PRR16: variants seen among roughly 807,000 people sequenced by gnomAD.
PRR16 encodes the protein proline rich 16.
A neutral mutation model predicts 18.2 loss-of-function variants in PRR16; 6 were observed. The ratio of observed to expected loss-of-function variants is 0.33; its 90% CI spans 0.18 to 0.65. The LOEUF is 0.65. PRR16 is among the 30% of genes least tolerant of loss of function. The pLI, the probability that PRR16 is intolerant of heterozygous loss-of-function variation, is 0.74. For missense variants in PRR16, 412 were observed against 376.6 expected, an observed-to-expected ratio of 1.09 and a Z score of -0.78; for synonymous variants, 151 against 147.8, an observed-to-expected ratio of 1.02 and a Z score of -0.16.
chr5:120,532,636 T>G (rs1751587929), intron 1 of PRR16, among the ~76,000 whole-genome samples: 1 of 152,128 alleles, frequency 6.6e-6, no homozygotes, highest in Admixed American at 6.6e-5. Context: ...TGTACAATAT[T>G]GCACTGAAGG....
rs578163144 is a variant in PRR16 at position 120,661,036 on chromosome 5, T to G, written c.160-24918T>G. ...TATACTTGAAGGATAACTTGGCAATTTTAAAGTAGTCCAAGATAGCATATT... is the reference window on the plus strand; with the variant it reads ...TATACTTGAAGGATAACTTGGCAATGTTAAAGTAGTCCAAGATAGCATATT... On this transcript the variant is annotated intron_variant, in intron 1 of 1. Coordinates refer to ENST00000407149, the MANE Select transcript of PRR16 (RefSeq NM_001300783.2). 5.9e-5 allele frequency among the ~76,000 whole-genome samples: 9 copies of G among 152,264 alleles called. No individual in the cohort carries two copies. In the East Asian group the frequency reaches 7.7e-4, roughly 13 times the overall value.
chr5:120,464,754 C>A, intron 1 of PRR16, 109 bp downstream of exon 1: 1 of 1,206,798 alleles, frequency 8.3e-7, no homozygotes, highest in Non-Finnish European at 1.1e-6. Context: ...TGGGAAACTA[C>A]AGAAAAGGCG....
chr5:120,733,311 C>A, the PRR16 span, among the ~76,000 whole-genome samples: 2 of 151,904 alleles, frequency 1.3e-5, no homozygotes, highest in Admixed American at 6.6e-5. Context: ...CCATCATGCC[C>A]ATTAAGTTTA....
chr5:120,524,090 G>T (rs1260144962), intron 1 of PRR16, among the ~76,000 whole-genome samples: 1 of 152,110 alleles, frequency 6.6e-6, no homozygotes, highest in African/African-American at 2.4e-5. Flanking sequence ...TCAACGTACA[G>T]ATGAGGAAAC....
chr5:120,537,716 T>C (rs978480076), intron 1 of PRR16, among the ~76,000 whole-genome samples: 1 of 152,018 alleles, frequency 6.6e-6, no homozygotes, highest in African/African-American at 2.4e-5. Context: ...TTTTAAACTT[T>C]CAAATAATTT....
In PRR16 at chr5:120,638,040, G is replaced by A. The variant is rs570170950; in HGVS notation, c.160-47914G>A. Among the ~76,000 whole-genome samples the A allele has an allele frequency of 5.3e-5, 8 of 152,128 alleles. No homozygotes were observed. In the South Asian group the frequency reaches 8.3e-4, roughly 16 times the overall value. On this transcript the variant is annotated intron_variant, in intron 1 of 1. Transcript: ENST00000407149. The stretch of plus-strand genomic sequence containing the variant: ...CTTAGTGAAATACCTGGTGAACAGG[G>A]CCCAATTCTAAACATGAAATTCATT...
chr5:120,792,121 C>CAATAA, the PRR16 span, among the ~76,000 whole-genome samples: 1 of 151,952 alleles, frequency 6.6e-6, no homozygotes, highest in African/African-American at 2.4e-5. Flanking sequence ...AAATATTTGA[C>CAATAA]AATAAAATTA....
At chr5:120,788,437 A>G in the PRR16 span, among the ~76,000 whole-genome samples, 2 of 152,104 alleles carry the variant, frequency 1.3e-5, no homozygotes, top group Non-Finnish European at 2.9e-5. Context: ...ATTTGTGGAA[A>G]GTCGGCTTTG....
chr5:120,785,572 G>GTTTTTTTTTTTTTTT, the PRR16 span, among the ~76,000 whole-genome samples: 3,577 of 119,362 alleles, frequency 0.03, 580 homozygotes, highest in Non-Finnish European at 0.039. Context: ...TTTTGTTGTT[G>GTTTTTTTTTTTTTTT]TTGTTTTTTT....
At chr5:120,506,763 C>T in intron 1 of PRR16, among the ~76,000 whole-genome samples, 1 of 151,878 alleles carries the variant, frequency 6.6e-6, no homozygotes, top group South Asian at 2.1e-4. Context: ...GCTGCTGCAT[C>T]TCTATGTGTC....
At chr5:120,537,051 G>A (rs1207294933) in intron 1 of PRR16, among the ~76,000 whole-genome samples, 2 of 152,176 alleles carry the variant, frequency 1.3e-5, no homozygotes, top group Non-Finnish European at 2.9e-5. Flanking sequence ...AGGATGGAGG[G>A]CGAGAGGAGG....
chr5:120,729,758 C>T, the PRR16 span, among the ~76,000 whole-genome samples: 9 of 151,986 alleles, frequency 5.9e-5, no homozygotes, highest in Non-Finnish European at 1.3e-4. Flanking sequence ...AAAACATGAG[C>T]GAAGACAGGG....
intron 1 of PRR16, among the ~76,000 whole-genome samples, chr5:120,581,871 G>A (rs1753283645): frequency 6.6e-6 from 1 of 152,142 alleles, no homozygotes; most frequent in East Asian, 1.9e-4. Flanking sequence ...TTTCACTGTG[G>A]TCTGAGAGAC....
chr5:120,494,868 T>G (rs1750190945), intron 1 of PRR16, among the ~76,000 whole-genome samples: 5 of 152,104 alleles, frequency 3.3e-5, no homozygotes. Flanking sequence ...TGAGTTGCTT[T>G]TGGTCCTTTA....
intron 1 of PRR16, among the ~76,000 whole-genome samples, chr5:120,544,608 A>G (rs987558519): frequency 1.3e-5 from 2 of 152,150 alleles, no homozygotes; most frequent in African/African-American, 4.8e-5. Flanking sequence ...ATTTTATTCT[A>G]TATGACATTT....
the PRR16 span, among the ~76,000 whole-genome samples, chr5:120,754,235 TATA>T: frequency 1.0e-5 from 1 of 100,328 alleles, no homozygotes; most frequent in Non-Finnish European, 1.8e-5. Context: ...TAATATAATA[TATA>T]ATTAGATATT....
At chr5:120,540,656 G>A (rs1175269450) in intron 1 of PRR16, among the ~76,000 whole-genome samples, 1 of 151,998 alleles carries the variant, frequency 6.6e-6, no homozygotes, top group Non-Finnish European at 1.5e-5. Flanking sequence ...ATTTATTTAT[G>A]CCTAGTGTTC....
At chr5:120,652,625 A>G (rs1237874333) in intron 1 of PRR16, among the ~76,000 whole-genome samples, 1 of 152,016 alleles carries the variant, frequency 6.6e-6, no homozygotes, top group Non-Finnish European at 1.5e-5. Context: ...AATGACATTC[A>G]ACAAAATGCC....
At chr5:120,609,194 A>G (rs910457216) in intron 1 of PRR16, among the ~76,000 whole-genome samples, 3 of 152,040 alleles carry the variant, frequency 2.0e-5, no homozygotes, top group African/African-American at 7.2e-5. Context: ...TTTAAAAATT[A>G]TGGTTAGATA....
Sources: gnomAD v4.1 joint callset for allele counts (sites outside exome capture counted in the v4.1 genomes callset) on GRCh38, gnomAD v4.1.1 for gene constraint, MANE v1.5 for transcripts, NCBI Gene and HGNC (gene_info 2026-07-23, HGNC 2026-07-21) for gene names.